Variants in SLC9A3 observed in about 807,000 individuals in gnomAD.
SLC9A3 encodes the protein solute carrier family 9 member A3.
A neutral mutation model predicts 86.8 loss-of-function variants in SLC9A3; 37 were observed. The ratio of observed to expected loss-of-function variants is 0.43; its 90% CI spans 0.33 to 0.56. The LOEUF is 0.56. SLC9A3 is among the 20% of genes least tolerant of loss of function. The pLI, the probability that SLC9A3 is intolerant of heterozygous loss-of-function variation, is 0.06. For missense variants in SLC9A3, 1,011 were observed against 1,171.9 expected (o/e 0.86, Z 2.00); for synonymous variants, 581 against 528.3 (o/e 1.10, Z -1.37).
chr5:494,742 T>G (rs1328776978), intron 1 of SLC9A3, among the ~76,000 whole-genome samples: 1 of 152,184 alleles, frequency 6.6e-6, no homozygotes, highest in Non-Finnish European at 1.5e-5. Flanking sequence ...ACATCTGTCC[T>G]TGGCGACGTC....
At chr5:498,147 C>T (rs549234672) in intron 1 of SLC9A3, among the ~76,000 whole-genome samples, 4 of 152,218 alleles carry the variant, frequency 2.6e-5, no homozygotes, top group Non-Finnish European at 4.4e-5. Flanking sequence ...CCGCCACTTC[C>T]GCCCCTGCTA....
In SLC9A3 at chr5:473,294, G is replaced by T; in HGVS notation, c.*85C>A. 3 of 1,318,272 alleles carry T rather than the reference G, an allele frequency of 2.3e-6. No homozygotes were observed. The highest frequency in any genetic ancestry group is 2.9e-6 in the Non-Finnish European group (3 of 1,024,598). The allele number at this position is 1,318,272 out of a possible 1,614,324, so 81.7% of individuals were successfully genotyped here. On this transcript the variant is annotated 3_prime_UTR_variant, in exon 17 of 17. Transcript: ENST00000264938. ...GTCGCTGTAGCCGCGCGGGGATCTG[G>T]GGTTTCTCTGGGACAGCGGCGGCGG...
Position 479,875 on chromosome 5 carries a change from G to A in SLC9A3, c.1608C>T (p.His536=), listed in dbSNP as rs756680787. ...KSRDRILNVF[H]ELNLKDAISY... is the part of the protein sequence containing the mutation. ...TGATGGCATCCTTCAGGTTCAGCTC[G>A]TGGAAGACATTCAGGATCCGGTCTC... is the stretch of plus-strand genomic sequence containing the variant. Residue 536 remains histidine (H), a synonymous_variant, in exon 10 of 17, where the codon CAC becomes CAT. Coordinates refer to ENST00000264938, the MANE Select transcript of SLC9A3 (RefSeq NM_004174.4). 22 of 1,613,784 alleles carry A rather than the reference G, an allele frequency of 1.4e-5. No individual in the cohort carries two copies. Among genetic ancestry groups the A allele is most frequent in the Non-Finnish European group, 1.7e-5 (20 of 1,180,006 alleles).
Position 476,602 on chromosome 5 carries a change from C to A in SLC9A3, c.1831G>T (p.Ala611Ser). ...LEQRRRSIRD[A>S]EDMVTHHTLQ... is the part of the protein sequence containing the mutation. Reference sequence around the variant, plus strand: ...GTGTGGTGCGTGACCATGTCCTCCGCGTCCCGGATGCTCCGCCGTCGCTGC... The same window carrying A: ...GTGTGGTGCGTGACCATGTCCTCCGAGTCCCGGATGCTCCGCCGTCGCTGC... Residue 611 changes from alanine to serine, a missense_variant, in exon 12 of 17, where the codon GCG (alanine) becomes TCG (serine). Around this residue, in one of 3 missense-constraint regions of SLC9A3, gnomAD observed 397 missense variants for 346.3 expected, o/e 1.15. Transcript: ENST00000264938. 6.2e-7 allele frequency: 1 copy of A among 1,610,804 alleles called. No homozygotes were observed. The highest frequency in any genetic ancestry group is 8.5e-7 in the Non-Finnish European group (1 of 1,179,882).
chr5:483,557 C>A, intron 5 of SLC9A3, 75 bp from the exon 6 acceptor site: 1 of 1,063,368 alleles, frequency 9.4e-7, no homozygotes, highest in Non-Finnish European at 1.4e-6. Context: ...CCCAGCCCCC[C>A]ACGGCCTGGC....
chr5:503,688 A>G (rs1020122269), intron 1 of SLC9A3, among the ~76,000 whole-genome samples: 1 of 152,272 alleles, frequency 6.6e-6, no homozygotes, highest in Non-Finnish European at 1.5e-5. Context: ...GTACAGGGAA[A>G]ATCCTGCCTG....
In SLC9A3 at chr5:481,708, G is replaced by C; in HGVS notation, c.1447-73C>G. 11 of 1,307,618 alleles carry C rather than the reference G, an allele frequency of 8.4e-6. No individual in the cohort carries two copies. The South Asian group carries it at 1.3e-4, about 15-fold the overall frequency. 81.0% of individuals were successfully genotyped at this position (1,307,618 alleles called of 1,614,324 possible). A position where few individuals can be genotyped will look rare whatever the true frequency, so the allele number is the denominator to read the frequency against. On this transcript the variant is annotated intron_variant, in intron 8 of 16. Transcript: ENST00000264938. The stretch of plus-strand genomic sequence containing the variant: ...AACATGAGGTGCCCCTCCACTCCTG[G>C]CCCAGCCCCGAGGAACCCACCAGCC...
chr5:511,723 C>T (rs1027611177), intron 1 of SLC9A3, among the ~76,000 whole-genome samples: 6 of 152,250 alleles, frequency 3.9e-5, no homozygotes, highest in African/African-American at 1.2e-4. Context: ...TGGAAGACAG[C>T]GTGGCAGTTT....
rs1345264353 is a variant in SLC9A3 at position 509,226 on chromosome 5, G to A, written c.211+14886C>T. Reference sequence around the variant, plus strand: ...ACTTTGGGAGGCTAATGGTGGAGCGGATCACTTGAGGCCAGGAGTTAAAGA... The same window carrying A: ...ACTTTGGGAGGCTAATGGTGGAGCGAATCACTTGAGGCCAGGAGTTAAAGA... On this transcript the variant is annotated intron_variant, in intron 1 of 16. Transcript: ENST00000264938. Among the ~76,000 whole-genome samples, 4 of 151,416 alleles carry A rather than the reference G, an allele frequency of 2.6e-5. No individual in the cohort carries two copies. In the East Asian group the frequency reaches 7.8e-4, roughly 29 times the overall value.
At chr5:521,723 G>A (rs1366660468) in intron 1 of SLC9A3, among the ~76,000 whole-genome samples, 1 of 152,224 alleles carries the variant, frequency 6.6e-6, no homozygotes. Flanking sequence ...TCCCGCTGTG[G>A]TGCAGGCTTG....
intron 3 of SLC9A3, 64 bp downstream of exon 3, chr5:488,252 G>T: frequency 2.6e-6 from 4 of 1,563,470 alleles, no homozygotes; most frequent in Non-Finnish European, 3.5e-6. Flanking sequence ...GACCGATGGG[G>T]GGTGAGACGG....
At chr5:519,458 T>A (rs1424499128) in intron 1 of SLC9A3, among the ~76,000 whole-genome samples, 4 of 152,128 alleles carry the variant, frequency 2.6e-5, no homozygotes, top group African/African-American at 9.7e-5. Flanking sequence ...GAGGTGAAGG[T>A]GACCCACAGC....
At chr5:494,972 G>A (rs1222808311) in intron 1 of SLC9A3, among the ~76,000 whole-genome samples, 2 of 152,178 alleles carry the variant, frequency 1.3e-5, no homozygotes, top group Non-Finnish European at 2.9e-5. Flanking sequence ...CTGGGAGATG[G>A]TATTTGTCCA....
At chr5:522,137 A>T (rs1413632911) in intron 1 of SLC9A3, among the ~76,000 whole-genome samples, 2 of 152,158 alleles carry the variant, frequency 1.3e-5, no homozygotes, top group African/African-American at 4.8e-5. Flanking sequence ...GGTGGAGCCA[A>T]CAATCCGAGA....
At chr5:517,221 C>T (rs569689927) in intron 1 of SLC9A3, among the ~76,000 whole-genome samples, 18 of 147,210 alleles carry the variant, frequency 1.2e-4, no homozygotes, top group African/African-American at 4.1e-4. Flanking sequence ...CAACCATTCA[C>T]GCATCAGCCA....
Position 482,703 on chromosome 5 carries a change from G to C in SLC9A3, c.1201C>G (p.Leu401Val), listed in dbSNP as rs1457967392. 1.9e-6 allele frequency: 3 copies of C among 1,611,830 alleles called. No homozygotes were observed. The highest frequency in any genetic ancestry group is 2.5e-6 in the Non-Finnish European group (3 of 1,179,642). ...AGGACCACCTGGTCAATGGGCTCCA[G>C]CTGCACCATGCGGTAGCGGTTCAGA... ...WLLNRYRMVQ[L>V]EPIDQVVLSY... is the part of the protein sequence containing the mutation. The change falls in exon 7 of 17, where the codon CTG (leucine) becomes GTG (valine). Residue 401 changes from leucine to valine, a missense_variant. Physicochemically the swap from Leu to Val is conservative, Grantham distance 32 (BLOSUM62 1). Coordinates refer to ENST00000264938, the MANE Select transcript of SLC9A3 (RefSeq NM_004174.4).
intron 2 of SLC9A3, among the ~76,000 whole-genome samples, chr5:490,318 CA>C: frequency 1.1e-5 from 1 of 90,442 alleles, no homozygotes; most frequent in South Asian, 3.0e-4. Context: ...TGGCGAGGGG[CA>C]GGGGTGGAGT....
intron 1 of SLC9A3, among the ~76,000 whole-genome samples, chr5:510,292 G>T (rs759296756): frequency 1.3e-5 from 2 of 152,216 alleles, no homozygotes; most frequent in Non-Finnish European, 2.9e-5. Context: ...GAGCTCTAAG[G>T]TGTTCGTGTG....
At chr5:483,801 C>T (rs1739334571) in intron 5 of SLC9A3, among the ~76,000 whole-genome samples, 1 of 152,268 alleles carries the variant, frequency 6.6e-6, no homozygotes, top group Non-Finnish European at 1.5e-5. Context: ...ACAGACAATT[C>T]AGTGGAAACG....
Sources: gnomAD v4.1 joint callset for allele counts (sites outside exome capture counted in the v4.1 genomes callset) on GRCh38, gnomAD v4.1.1 for gene constraint, gnomAD v4.1.1 regional missense constraint, MANE v1.5 for transcripts, NCBI Gene and HGNC (gene_info 2026-07-23, HGNC 2026-07-21) for gene names.